The following AGK variants were observed in gnomAD, a reference collection of about 807,000 sequenced individuals.
AGK encodes acylglycerol kinase.
Under a neutral mutation model 66.4 loss-of-function variants are expected in AGK, and 52 were observed. The observed-to-expected ratio is 0.78, with a 90% confidence interval of 0.63 to 0.99. The LOEUF (loss-of-function observed/expected upper bound fraction) is 0.99. Among genes scored for constraint, AGK ranks in the 50% least tolerant of loss-of-function variants. The pLI is 0.00. For missense variants in AGK, 451 were observed against 506.6 expected (o/e 0.89, Z 1.05); for synonymous variants, 182 against 181.1 (o/e 1.00, Z -0.04).
chr7:141,577,870 G>A (rs549762884), intron 2 of AGK, among the ~76,000 whole-genome samples: 13 of 148,958 alleles, frequency 8.7e-5, no homozygotes, highest in East Asian at 7.9e-4. Flanking sequence ...CCAGGCTGGC[G>A]TGCAGTGGTG....
In AGK at chr7:141,615,457, C is replaced by T. The variant is rs756958860; in HGVS notation, c.424-14C>T. On this transcript the variant is annotated splice_polypyrimidine_tract_variant and intron_variant, in intron 7 of 15. Transcript: ENST00000649286. ...ATCATAACAATAAAACTTTCCTCTT[C>T]TTTCCCCCCCCAGGCTACCTTCAGT... The T allele has an allele frequency of 5.0e-6, 8 of 1,609,144 alleles. No homozygotes were observed. Among genetic ancestry groups the T allele is most frequent in the South Asian group, 1.1e-5 (1 of 90,862 alleles).
At chr7:141,638,404 G>C (rs1797219564) in intron 11 of AGK, among the ~76,000 whole-genome samples, 1 of 152,144 alleles carries the variant, frequency 6.6e-6, no homozygotes, top group Non-Finnish European at 1.5e-5. Flanking sequence ...GGTAAGGGCA[G>C]GTTATGGCGG....
intron 2 of AGK, among the ~76,000 whole-genome samples, chr7:141,572,508 T>C (rs950879840): frequency 9.2e-5 from 14 of 152,164 alleles, no homozygotes; most frequent in African/African-American, 2.9e-4. Flanking sequence ...ATAAGTGTAA[T>C]GGGAATAATT....
At chr7:141,611,034 A>T (rs1241957855) in intron 5 of AGK, among the ~76,000 whole-genome samples, 161 bp from the exon 6 acceptor site, 1 of 152,236 alleles carries the variant, frequency 6.6e-6, no homozygotes, top group Non-Finnish European at 1.5e-5. Context: ...TAACGACTAT[A>T]CATAATTGCT....
At position 141,627,970 on chromosome 7, in the gene AGK, C is replaced by T. The variant is rs189769822; in HGVS notation, c.589-5931C>T. Among the ~76,000 whole-genome samples the T allele has an allele frequency of 2.0e-3, 311 of 152,334 alleles. 1 individual carries two copies. The highest frequency in any genetic ancestry group is 2.7e-3 in the Non-Finnish European group (185 of 68,034). ...AATCTTGGCTCACTGCAACCTCCAC[C>T]TCCCAGGTTCAAGCCATTCTCCTGC... On this transcript the variant is annotated intron_variant, in intron 9 of 15. Coordinates refer to ENST00000649286, the MANE Select transcript of AGK (RefSeq NM_018238.4).
In AGK at chr7:141,596,848, G is replaced by A. The variant is rs139266833; in HGVS notation, c.221+207G>A. On this transcript the variant is annotated intron_variant, in intron 4 of 15. Transcript: ENST00000649286. ...GGATGCTTAGCAAACTTGTCTAATT[G>A]AAGTTTAATAATCATTCCATGATTA... is the stretch of plus-strand genomic sequence containing the variant. The A allele has an allele frequency of 1.9e-3, 1,014 of 545,968 alleles. 10 individuals are homozygous for A. The highest frequency in any genetic ancestry group is 0.018 in the African/African-American group (953 of 52,582). The allele number at this position is 545,968 out of a possible 1,614,324, so 33.8% of individuals were successfully genotyped here. A position where few individuals can be genotyped will look rare whatever the true frequency, so the allele number is the denominator to read the frequency against.
Position 141,555,930 on chromosome 7 carries a change from CA to C in AGK, c.101+366del, listed in dbSNP as rs1237129995. 6.6e-6 allele frequency among the ~76,000 whole-genome samples: 1 copy of C among 152,172 alleles called. No homozygotes were observed. The highest frequency in any genetic ancestry group is 2.4e-5 in the African/African-American group (1 of 41,444). Reference sequence around the variant, plus strand: ...AGTCAATTTAGTAAGTTTATTTTGCCAAAGTTAAGGACGTGCGCCTGCGACA... The same window carrying C: ...AGTCAATTTAGTAAGTTTATTTTGCCAAGTTAAGGACGTGCGCCTGCGACA... On this transcript the variant is annotated intron_variant, in intron 2 of 15. Transcript: ENST00000649286. The surrounding 1 kb of genome is among the most constrained non-coding windows in gnomAD (Gnocchi z 4.2).
At chr7:141,621,200 AG>A (rs1796816184) in intron 8 of AGK, among the ~76,000 whole-genome samples, 1 of 152,192 alleles carries the variant, frequency 6.6e-6, no homozygotes, top group Admixed American at 6.5e-5. Flanking sequence ...CTCAGAATGT[AG>A]ATAAGAACGG....
chr7:141,577,228 C>A (rs1795763009), intron 2 of AGK, among the ~76,000 whole-genome samples: 1 of 152,062 alleles, frequency 6.6e-6, no homozygotes, highest in African/African-American at 2.4e-5. Context: ...TCAGCACCAA[C>A]CTTAAGGCTG....
chr7:141,633,323 T>C (rs1364026322), intron 9 of AGK, among the ~76,000 whole-genome samples: 2 of 152,250 alleles, frequency 1.3e-5, no homozygotes, highest in Admixed American at 6.5e-5. Context: ...ATTTTTTCTA[T>C]ATATTGCTTA....
chr7:141,615,671 C>G (rs926068418), intron 8 of AGK, 106 bp downstream of exon 8: 11 of 900,118 alleles, frequency 1.2e-5, no homozygotes, highest in Admixed American at 1.8e-5. Flanking sequence ...CCTGAAACTT[C>G]AAATAATTAA....
chr7:141,581,681 G>T (rs184067681), intron 2 of AGK, among the ~76,000 whole-genome samples: 34 of 151,952 alleles, frequency 2.2e-4, no homozygotes, highest in African/African-American at 8.2e-4. Flanking sequence ...ATTAAGGTGG[G>T]GAGATACAAG....
chr7:141,559,690 T>C lies in AGK; in HGVS notation c.101+4123T>C, dbSNP rs138388150. On this transcript the variant is annotated intron_variant, in intron 2 of 15. Transcript: ENST00000649286. ...TGAATCTGTACATTGTTTTGTAGAA[T>C]AGACATTTGAACAATATTAAGTCTT... Among the ~76,000 whole-genome samples, 368 of 152,310 alleles carry C rather than the reference T, an allele frequency of 2.4e-3. 2 individuals carry two copies. The highest frequency in any genetic ancestry group is 8.3e-3 in the African/African-American group (344 of 41,576).
intron 11 of AGK, 127 bp from the exon 12 acceptor site, chr7:141,641,121 G>A: frequency 1.3e-6 from 1 of 790,526 alleles, no homozygotes; most frequent in Admixed American, 3.1e-5. Flanking sequence ...ATTCCATCCA[G>A]TGAGAGGAGA....
intron 2 of AGK, among the ~76,000 whole-genome samples, chr7:141,559,167 G>A (rs1795282220): frequency 6.6e-6 from 1 of 152,168 alleles, no homozygotes; most frequent in Non-Finnish European, 1.5e-5. Flanking sequence ...TCTGCTTTTG[G>A]TGTTATATTC....
chr7:141,554,158 A>T (rs1469359622), intron 1 of AGK, among the ~76,000 whole-genome samples: 1 of 151,962 alleles, frequency 6.6e-6, no homozygotes, highest in Non-Finnish European at 1.5e-5. Context: ...TGGGCAACAT[A>T]GTGAGACCTT....
rs1357220516 is a variant in AGK at position 141,647,218 on chromosome 7, T to C, written c.976-2045T>C. ...CTCCCTCTCCAATCTACTCCTGTCT[T>C]AATTCTCAACACGGCAGCCAGAGTG... On this transcript the variant is annotated intron_variant, in intron 13 of 15. Transcript: ENST00000649286. Among the ~76,000 whole-genome samples the C allele has an allele frequency of 1.3e-5, 2 of 152,200 alleles. 1 individual carries two copies. The highest frequency in any genetic ancestry group is 2.9e-5 in the Non-Finnish European group (2 of 68,026).
intron 9 of AGK, among the ~76,000 whole-genome samples, chr7:141,629,391 T>C (rs1156916908): frequency 6.6e-6 from 1 of 152,132 alleles, no homozygotes; most frequent in African/African-American, 2.4e-5. Context: ...GTCTTTCTTT[T>C]TCTTTTTGTT....
At chr7:141,643,782 A>G (rs1797342390) in intron 13 of AGK, among the ~76,000 whole-genome samples, 1 of 152,148 alleles carries the variant, frequency 6.6e-6, no homozygotes, top group Admixed American at 6.5e-5. Context: ...AGGTAAGGAG[A>G]CAGAGTGATT....
Sources: gnomAD v4.1 joint callset for allele counts (sites outside exome capture counted in the v4.1 genomes callset) on GRCh38, gnomAD v4.1.1 for gene constraint, Gnocchi (gnomAD v3.1) non-coding constraint, MANE v1.5 for transcripts, NCBI Gene and HGNC (gene_info 2026-07-23, HGNC 2026-07-21) for gene names.